The following MALL variants were observed in gnomAD, a reference collection of about 807,000 sequenced individuals.
The protein encoded by MALL is MAL-like protein.
In MALL, 2 loss-of-function variants were observed where a neutral mutation model predicts 10.3. That is an observed-to-expected ratio of 0.19 (90% CI 0.08 to 0.61). MALL has a LOEUF of 0.61. Ranked by LOEUF, MALL falls within the 20% of genes least tolerant of loss-of-function variation. The pLI is 0.88. For missense variants in MALL, 39 were observed against 115.2 expected (o/e 0.34, Z 3.03); for synonymous variants, 27 against 51.8 (o/e 0.52, Z 2.05).
chr2:110,117,241 C>G (rs1225933759), upstream of MALL, among the ~76,000 whole-genome samples: 2 of 152,256 alleles, frequency 1.3e-5, no homozygotes, highest in South Asian at 2.1e-4. Flanking sequence ...CCATGAATCC[C>G]ACATCTTGCC....
At chr2:110,116,026 G>A (rs1247201288), upstream of MALL, 2 of 385,506 alleles carry the variant, frequency 5.2e-6, no homozygotes, top group Non-Finnish European at 9.2e-6. Context: ...GCAGGAGGGA[G>A]CAGAGCGGGA....
chr2:110,115,604 C>G (rs987542583), intron 1 of MALL, 84 bp downstream of exon 1: 3 of 692,926 alleles, frequency 4.3e-6, no homozygotes, highest in Non-Finnish European at 6.1e-6. Flanking sequence ...GTCTGGGTCT[C>G]TCTCTTCTCG....
At chr2:110,103,582 C>G (rs1296384721) in intron 1 of MALL, among the ~76,000 whole-genome samples, 1 of 152,192 alleles carries the variant, frequency 6.6e-6, no homozygotes, top group African/African-American at 2.4e-5. Context: ...GCGGAGAGAG[C>G]CAGCACTTCT....
intron 1 of MALL, among the ~76,000 whole-genome samples, chr2:110,098,067 C>A (rs1678483841): frequency 6.6e-6 from 1 of 151,850 alleles, no homozygotes. Flanking sequence ...ACGGCGGGAA[C>A]CTGGATGTCC....
chr2:110,113,997 G>A (rs555491348), intron 1 of MALL, among the ~76,000 whole-genome samples: 2 of 151,984 alleles, frequency 1.3e-5, no homozygotes, highest in African/African-American at 4.8e-5. Flanking sequence ...CAACACGTAA[G>A]GCCCCAGAGC....
intron 1 of MALL, among the ~76,000 whole-genome samples, chr2:110,097,097 A>AAC (rs1553477293): frequency 6.7e-6 from 1 of 150,366 alleles, no homozygotes; most frequent in East Asian, 2.0e-4. Context: ...AAACAAAACA[A>AAC]AAAAAAAAAA....
chr2:110,117,412 C>G (rs1444549968), upstream of MALL, among the ~76,000 whole-genome samples: 2 of 152,068 alleles, frequency 1.3e-5, no homozygotes, highest in Non-Finnish European at 2.9e-5. Flanking sequence ...ATAATACAAC[C>G]CATAACCCCT....
chr2:110,107,314 G>C (rs1292546493), intron 1 of MALL, among the ~76,000 whole-genome samples: 1 of 152,058 alleles, frequency 6.6e-6, no homozygotes, highest in Non-Finnish European at 1.5e-5. Context: ...AACCCATCTT[G>C]CCCTCCACCT....
chr2:110,104,757 T>G (rs904507982), intron 1 of MALL, among the ~76,000 whole-genome samples: 3 of 152,124 alleles, frequency 2.0e-5, no homozygotes, highest in African/African-American at 7.2e-5. Context: ...TGTCCTGGAG[T>G]GCTCGTTGCA....
intron 1 of MALL, among the ~76,000 whole-genome samples, chr2:110,111,211 C>G (rs1678795866): frequency 2.0e-5 from 3 of 152,062 alleles, no homozygotes; most frequent in African/African-American, 7.2e-5. Flanking sequence ...ACTGGAAGTC[C>G]TAGCCAGAGC....
chr2:110,115,760 G>A lies in MALL; in HGVS notation c.33C>T (p.Tyr11=), dbSNP rs1678904552. The A allele has an allele frequency of 2.3e-6, 3 of 1,286,518 alleles. No homozygotes were observed. Among genetic ancestry groups the A allele is most frequent in the East Asian group, 2.9e-5 (1 of 34,120 alleles). 79.7% of individuals were successfully genotyped at this position (1,286,518 alleles called of 1,614,324 possible). ...CCCCCGAGGGCACGTCGGACGGGGC[G>A]TAGCTGGTGGCGGGCGGGTCGGGCG... MASPDPPATS[Y]APSDVPSGVA... The change falls in exon 1 of 4, where the codon TAC becomes TAT. Residue 11 remains tyrosine (Y), a synonymous_variant. Coordinates refer to ENST00000272462, the MANE Select transcript of MALL (RefSeq NM_005434.5).
intron 1 of MALL, among the ~76,000 whole-genome samples, chr2:110,109,113 C>G (rs1413165276): frequency 2.0e-5 from 3 of 152,018 alleles, no homozygotes; most frequent in African/African-American, 7.2e-5. Flanking sequence ...CACAAAGGAC[C>G]TATAAAACAA....
At chr2:110,095,074 G>C (rs1412610372) in intron 1 of MALL, among the ~76,000 whole-genome samples, 2 of 149,858 alleles carry the variant, frequency 1.3e-5, no homozygotes, top group African/African-American at 4.9e-5. Flanking sequence ...AACAGGAGGA[G>C]GGACCAGAGC....
At chr2:110,096,491 C>A (rs1009204780) in intron 1 of MALL, among the ~76,000 whole-genome samples, 1 of 151,872 alleles carries the variant, frequency 6.6e-6, no homozygotes, top group Non-Finnish European at 1.5e-5. Flanking sequence ...GCTGTAGTAG[C>A]CATAACCATT....
At chr2:110,113,374 C>A (rs1678846437) in intron 1 of MALL, among the ~76,000 whole-genome samples, 1 of 139,560 alleles carries the variant, frequency 7.2e-6, no homozygotes, top group Non-Finnish European at 1.5e-5. Context: ...GGAGGTGGAG[C>A]TTGCAGTGAG....
At chr2:110,106,893 G>A (rs988446270) in intron 1 of MALL, among the ~76,000 whole-genome samples, 8 of 152,186 alleles carry the variant, frequency 5.3e-5, no homozygotes, top group Admixed American at 3.3e-4. Flanking sequence ...TAAGAAGGAA[G>A]GAGCTATTGA....
At chr2:110,116,570 C>A (rs1678927325), upstream of MALL, 1 of 152,536 alleles carries the variant, frequency 6.6e-6, no homozygotes, top group African/African-American at 2.4e-5. Flanking sequence ...CTCTAGTGGA[C>A]AACCTCCTTC....
At position 110,096,710 on chromosome 2, in the gene MALL, T is replaced by TACACACACAC. The variant is rs61332655; in HGVS notation, c.106-4950_106-4941dup. On this transcript the variant is annotated intron_variant, in intron 1 of 3. Coordinates refer to ENST00000272462, the MANE Select transcript of MALL (RefSeq NM_005434.5). ...CTTTGGTCACCAAGAAAAATGTACC[T>TACACACACAC]ACACACACACACACACACACACACA... Among the ~76,000 whole-genome samples the TACACACACAC allele has an allele frequency of 1.9e-3, 262 of 140,960 alleles. 1 individual carries two copies. Among genetic ancestry groups the TACACACACAC allele is most frequent in the East Asian group, 4.9e-3 (23 of 4,734 alleles). The allele number at this position is 140,960 out of a possible 152,430, so 92.5% of individuals were successfully genotyped here.
At chr2:110,100,924 C>A (rs1430439152) in intron 1 of MALL, among the ~76,000 whole-genome samples, 1 of 152,132 alleles carries the variant, frequency 6.6e-6, no homozygotes, top group African/African-American at 2.4e-5. Flanking sequence ...GGGGCTGGAA[C>A]TCCCTGTATC....
Sources: allele counts gnomAD v4.1 joint callset (sites outside exome capture counted in the v4.1 genomes callset), GRCh38; gene constraint gnomAD v4.1.1; transcripts MANE v1.5; gene names NCBI Gene and HGNC (gene_info 2026-07-23, HGNC 2026-07-21).